LAMA2: variants seen among roughly 807,000 people sequenced by gnomAD.
LAMA2 encodes laminin subunit alpha-2.
In LAMA2, 269 loss-of-function variants were observed where a neutral mutation model predicts 364.8. The ratio of observed to expected loss-of-function variants is 0.74; its 90% CI spans 0.67 to 0.82. The LOEUF is 0.82. LAMA2 is among the 40% of genes least tolerant of loss of function. The probability of loss-of-function intolerance (pLI) is 0.00; values close to 1 mark genes in which losing one functional copy is unlikely to be tolerated. For missense variants in LAMA2, 3,807 were observed against 3,873.2 expected, an observed-to-expected ratio of 0.98 and a Z score of 0.45; for synonymous variants, 1,379 against 1,370.6, an observed-to-expected ratio of 1.01 and a Z score of -0.14.
At chr6:128,989,756 CAT>C (rs1206990645) in intron 1 of LAMA2, among the ~76,000 whole-genome samples, 1 of 152,168 alleles carries the variant, frequency 6.6e-6, no homozygotes, top group African/African-American at 2.4e-5. Context: ...GCTATGATAA[CAT>C]ACCATAAACT....
chr6:128,899,775 G>T (rs1009817882), intron 1 of LAMA2, among the ~76,000 whole-genome samples: 6 of 149,434 alleles, frequency 4.0e-5, no homozygotes, highest in African/African-American at 1.5e-4. Context: ...TGCTTCTTGA[G>T]TTTTTTTTTT....
chr6:129,108,032 T>TCTTTAC (rs1379736887), intron 4 of LAMA2, among the ~76,000 whole-genome samples: 1 of 152,134 alleles, frequency 6.6e-6, no homozygotes, highest in Non-Finnish European at 1.5e-5. Context: ...TTAAAAAAAT[T>TCTTTAC]CTTTACCTTT....
chr6:129,391,391 T>C, intron 35 of LAMA2, 100 bp from the exon 36 acceptor site: 1 of 995,200 alleles, frequency 1.0e-6, no homozygotes, highest in Non-Finnish European at 1.6e-6. Flanking sequence ...GGCAAAATAC[T>C]CTTCATTTGG....
chr6:129,273,434 T>A (rs944526135), intron 17 of LAMA2, among the ~76,000 whole-genome samples: 8 of 152,168 alleles, frequency 5.3e-5, no homozygotes, highest in Non-Finnish European at 8.8e-5. Context: ...TGGCTGCCCA[T>A]TGCATCATGT....
At chr6:129,152,913 C>G (rs1055816719) in intron 7 of LAMA2, among the ~76,000 whole-genome samples, 4 of 152,032 alleles carry the variant, frequency 2.6e-5, no homozygotes, top group African/African-American at 9.7e-5. Context: ...CGGTTCTAAA[C>G]AGTATACAAA....
intron 17 of LAMA2, among the ~76,000 whole-genome samples, chr6:129,277,926 G>C (rs1184434501): frequency 1.3e-5 from 2 of 152,160 alleles, no homozygotes; most frequent in Non-Finnish European, 2.9e-5. Context: ...TCAAGGCCAG[G>C]TGCAATGGCT....
chr6:129,373,509 T>C (rs576157559), intron 34 of LAMA2, among the ~76,000 whole-genome samples: 1 of 152,300 alleles, frequency 6.6e-6, no homozygotes, highest in African/African-American at 2.4e-5. Flanking sequence ...CTAATAATAT[T>C]GAAATATTAC....
intron 8 of LAMA2, chr6:129,158,975 G>A: frequency 6.3e-7 from 1 of 1,589,848 alleles, no homozygotes. Flanking sequence ...TGGTGCTAAG[G>A]TTACTCCATT....
intron 1 of LAMA2, among the ~76,000 whole-genome samples, chr6:128,960,063 CT>C (rs1781384321): frequency 6.6e-6 from 1 of 151,972 alleles, no homozygotes. Context: ...CCAATTTCCC[CT>C]ATCTTATATA....
At chr6:128,892,657 G>A (rs1358156563) in intron 1 of LAMA2, among the ~76,000 whole-genome samples, 1 of 151,848 alleles carries the variant, frequency 6.6e-6, no homozygotes, top group East Asian at 1.9e-4. Context: ...GCCTTCAGTG[G>A]AAAGTCTAAT....
At chr6:128,990,217 C>T (rs990989199) in intron 1 of LAMA2, among the ~76,000 whole-genome samples, 2 of 152,012 alleles carry the variant, frequency 1.3e-5, no homozygotes, top group African/African-American at 2.4e-5. Flanking sequence ...TTTAGGTCCT[C>T]GGCCTATGCT....
At chr6:129,062,296 T>G (rs1269260182) in intron 3 of LAMA2, among the ~76,000 whole-genome samples, 1 of 152,164 alleles carries the variant, frequency 6.6e-6, no homozygotes, top group Non-Finnish European at 1.5e-5. Flanking sequence ...TTAGAAAAGT[T>G]CAGTGACTTG....
At chr6:129,173,982 G>A (rs977629605) in intron 9 of LAMA2, among the ~76,000 whole-genome samples, 20 of 152,010 alleles carry the variant, frequency 1.3e-4, no homozygotes, top group African/African-American at 4.8e-4. Flanking sequence ...TTAATAATCA[G>A]TTTTCAGATT....
At chr6:129,012,458 A>C (rs1409656962) in intron 1 of LAMA2, among the ~76,000 whole-genome samples, 2 of 152,214 alleles carry the variant, frequency 1.3e-5, no homozygotes, top group African/African-American at 4.8e-5. Flanking sequence ...TATTTATGAT[A>C]TAAGAAGTAT....
At chr6:129,251,074 C>CTATATA (rs1194499275) in intron 13 of LAMA2, among the ~76,000 whole-genome samples, 92 of 60,524 alleles carry the variant, frequency 1.5e-3, no homozygotes, top group Middle Eastern at 7.8e-3. Flanking sequence ...CTCTCTCTCT[C>CTATATA]TCTATATATA....
intron 61 of LAMA2, 89 bp from the exon 62 acceptor site, chr6:129,507,400 C>T (rs1786178039): frequency 1.2e-5 from 17 of 1,369,166 alleles, no homozygotes; most frequent in Non-Finnish European, 3.1e-6. Flanking sequence ...TAACTACACA[C>T]ATAGAGCACC....
intron 43 of LAMA2, chr6:129,442,217 G>A (rs1396049909): frequency 3.8e-6 from 5 of 1,319,858 alleles, no homozygotes; most frequent in African/African-American, 1.5e-5. Context: ...CAGCATCCTA[G>A]CCTCAAATCA....
At chr6:129,058,695 G>A (rs1486874622) in intron 2 of LAMA2, among the ~76,000 whole-genome samples, 1 of 152,174 alleles carries the variant, frequency 6.6e-6, no homozygotes, top group Non-Finnish European at 1.5e-5. Context: ...TAAGGGCCAA[G>A]GGAAAACTTC....
intron 4 of LAMA2, among the ~76,000 whole-genome samples, chr6:129,136,030 G>C (rs1450605741): frequency 6.8e-6 from 1 of 146,918 alleles, no homozygotes; most frequent in Non-Finnish European, 1.5e-5. Flanking sequence ...TCCTTTCAGA[G>C]AAAAAAAAAA....
Sources: allele counts gnomAD v4.1 joint callset (sites outside exome capture counted in the v4.1 genomes callset), GRCh38; gene constraint gnomAD v4.1.1; transcripts MANE v1.5; gene names NCBI Gene and HGNC (gene_info 2026-07-23, HGNC 2026-07-21).